The following THAP1 variants were observed in gnomAD, a reference collection of about 807,000 sequenced individuals.
THAP1 encodes THAP domain-containing protein 1.
In THAP1, 6 loss-of-function variants were observed where a neutral mutation model predicts 18.2. The observed-to-expected ratio is 0.33, with a 90% CI of 0.18 to 0.65. The LOEUF (loss-of-function observed/expected upper bound fraction) is 0.65, where lower values mean the gene tolerates loss of function less well. THAP1 is among the 30% of genes least tolerant of loss of function. The probability of loss-of-function intolerance (pLI) is 0.74; values close to 1 mark genes in which losing one functional copy is unlikely to be tolerated. For synonymous variants in THAP1, 85 were observed against 90.5 expected (o/e 0.94, Z 0.34); for missense variants, 176 against 253.0 (o/e 0.70, Z 2.06).
intron 1 of THAP1, chr8:42,842,814 G>A (rs531896483): frequency 4.6e-6 from 1 of 216,496 alleles, no homozygotes; most frequent in Non-Finnish European, 8.6e-6. Context: ...TTCCAGGAGC[G>A]CGAGAAACGG....
At chr8:42,842,187 T>G (rs1197864723) in intron 1 of THAP1, among the ~76,000 whole-genome samples, 1 of 152,212 alleles carries the variant, frequency 6.6e-6, no homozygotes, top group African/African-American at 2.4e-5. Context: ...TGTAAACAAA[T>G]TCAGCTGAAT....
rs1219691312 is a variant in THAP1 at position 42,837,878 on chromosome 8, T to C, written c.*84A>G. The stretch of plus-strand genomic sequence containing the variant: ...TGTTTTTATATAAGTAATCAAATGT[T>C]ATTTTTTTAAATGAAACTCCTTTAC... On this transcript the variant is annotated 3_prime_UTR_variant, in exon 3 of 3. Transcript: ENST00000254250. 3 of 1,474,106 alleles carry C rather than the reference T, an allele frequency of 2.0e-6. No individual in the cohort carries two copies. The highest frequency in any genetic ancestry group is 2.0e-4 in the Middle Eastern group (1 of 5,078). The allele number at this position is 1,474,106 out of a possible 1,614,324, so 91.3% of individuals were successfully genotyped here.
At chr8:42,840,513 G>T (rs758297540) in intron 1 of THAP1, among the ~76,000 whole-genome samples, 1 of 152,178 alleles carries the variant, frequency 6.6e-6, no homozygotes, top group Non-Finnish European at 1.5e-5. Flanking sequence ...AAAAGGGAAG[G>T]GAATTTCAAA....
At chr8:42,839,778 C>T (rs1241675926) in intron 1 of THAP1, among the ~76,000 whole-genome samples, 1 of 152,228 alleles carries the variant, frequency 6.6e-6, no homozygotes, top group Admixed American at 6.5e-5. Context: ...ATTTCTTGAC[C>T]TTGTGATCTG....
intron 1 of THAP1, among the ~76,000 whole-genome samples, chr8:42,841,339 T>C (rs571060311): frequency 9.6e-4 from 142 of 147,800 alleles, no homozygotes; most frequent in African/African-American, 3.3e-3. Flanking sequence ...TCTCACTCTG[T>C]TACCCAAGCT....
chr8:42,841,408 C>T (rs1003980881), intron 1 of THAP1, among the ~76,000 whole-genome samples: 3 of 146,668 alleles, frequency 2.0e-5, no homozygotes, highest in African/African-American at 7.7e-5. Context: ...TCAAGTGATT[C>T]CCCTACCTCA....
intron 1 of THAP1, among the ~76,000 whole-genome samples, chr8:42,840,065 T>TATGTG (rs1802688083): frequency 6.6e-6 from 1 of 151,952 alleles, no homozygotes; most frequent in Non-Finnish European, 1.5e-5. Context: ...GGCATGGTGG[T>TATGTG]ATGTGCCCAG....
At position 42,839,365 on chromosome 8, in the gene THAP1, G is replaced by A. The variant is rs1483051037; in HGVS notation, c.88C>T (p.Pro30Ser). 1 of 1,613,952 alleles carries A rather than the reference G, an allele frequency of 6.2e-7. No individual in the cohort carries two copies. Among genetic ancestry groups the A allele is most frequent in the Non-Finnish European group, 8.5e-7 (1 of 1,179,996 alleles). The part of the protein sequence containing the change: ...VSFHKFPLTR[P>S]SLCKEWEAAV... ...GCCTCCCATTCTTTACAAAGACTGG[G>A]TCGAGTAAGAGGAAACCTAAGAAGA... The change falls in exon 2 of 3, where the codon CCC becomes TCC. Residue 30 changes from proline (P) to serine (S), a missense_variant. Pro to Ser is a moderately conservative substitution (Grantham distance 74). Coordinates refer to ENST00000254250, the MANE Select transcript of THAP1 (RefSeq NM_018105.3).
At chr8:42,839,618 G>T (rs1802679566) in intron 1 of THAP1, among the ~76,000 whole-genome samples, 1 of 152,008 alleles carries the variant, frequency 6.6e-6, no homozygotes, top group Non-Finnish European at 1.5e-5. Flanking sequence ...GTGCAATCTC[G>T]GCTCACTGCG....
chr8:42,840,391 A>T (rs1291196395), intron 1 of THAP1, among the ~76,000 whole-genome samples: 3 of 152,224 alleles, frequency 2.0e-5, no homozygotes, highest in Non-Finnish European at 4.4e-5. Context: ...TTTTCTAATC[A>T]ACTGGGATGT....
rs771561925 is a variant in THAP1 at position 42,843,109 on chromosome 8, G to A, written c.-15C>T. 6 of 1,613,406 alleles carry A rather than the reference G, an allele frequency of 3.7e-6. No individual in the cohort carries two copies. The highest frequency in any genetic ancestry group is 1.7e-5 in the Admixed American group (1 of 60,006). ...GACTGCACCATCCTTCCGGTCCTCA[G>A]GCACTTCACTTCTGCCGCCGCAGAA... is the stretch of plus-strand genomic sequence containing the variant. On this transcript the variant is annotated 5_prime_UTR_variant, in exon 1 of 3. Coordinates refer to ENST00000254250, the MANE Select transcript of THAP1 (RefSeq NM_018105.3).
At chr8:42,838,462 G>T in intron 2 of THAP1, 126 bp from the exon 3 acceptor site, 1 of 1,261,974 alleles carries the variant, frequency 7.9e-7, no homozygotes, top group Non-Finnish European at 1.1e-6. Context: ...AGAGGTGGGC[G>T]GATCACCTGA....
At chr8:42,840,614 C>T (rs1314583065) in intron 1 of THAP1, among the ~76,000 whole-genome samples, 1 of 152,106 alleles carries the variant, frequency 6.6e-6, no homozygotes, top group African/African-American at 2.4e-5. Context: ...TTTCTTTGTA[C>T]GACATAGCAC....
rs1802622694 is a variant in THAP1 at position 42,836,864 on chromosome 8, AAAG to A, written c.*1095_*1097del. The A allele has an allele frequency of 6.6e-6, 1 of 152,310 alleles. No individual in the cohort carries two copies. The highest frequency in any genetic ancestry group is 1.5e-5 in the Non-Finnish European group (1 of 68,046). The allele number at this position is 152,310 out of a possible 1,614,324, so 9.4% of individuals were successfully genotyped here. On this transcript the variant is annotated 3_prime_UTR_variant, in exon 3 of 3. Coordinates refer to ENST00000254250, the MANE Select transcript of THAP1 (RefSeq NM_018105.3). The stretch of plus-strand genomic sequence containing the variant: ...TTCCAATATATGTAAAATTTCTCAC[AAAG>A]AACAGAACTCACAGTTTGAACAGAA...
In THAP1 at chr8:42,838,124, T is replaced by A; in HGVS notation, c.480A>T (p.Arg160Ser). Residue 160 changes from arginine to serine, a missense_variant, in exon 3 of 3, where the codon AGA (arginine) becomes AGT (serine). By Grantham distance (110) the Arg-to-Ser change is moderately radical. Coordinates refer to ENST00000254250, the MANE Select transcript of THAP1 (RefSeq NM_018105.3). The part of the protein sequence containing the change: ...HQLEQQVEKL[R>S]KKLKTAQQRC... Reference sequence around the variant, plus strand: ...GCTGCTGTGCGGTCTTGAGCTTCTTTCTGAGTTTTTCAACTTGCTGTTCTA... The same window carrying A: ...GCTGCTGTGCGGTCTTGAGCTTCTTACTGAGTTTTTCAACTTGCTGTTCTA... 6.2e-7 allele frequency: 1 copy of A among 1,614,236 alleles called. No homozygotes were observed. The highest frequency in any genetic ancestry group is 8.5e-7 in the Non-Finnish European group (1 of 1,180,048).
intron 2 of THAP1, 37 bp from the exon 3 acceptor site, chr8:42,838,373 A>C: frequency 6.2e-7 from 1 of 1,609,356 alleles, no homozygotes; most frequent in South Asian, 1.1e-5. Context: ...GAATTTAGTA[A>C]CTAAAAACAG....
In THAP1 at chr8:42,838,178, T is replaced by G. The variant is rs755330097; in HGVS notation, c.426A>C (p.Thr142=). 71 of 1,614,058 alleles carry G rather than the reference T, an allele frequency of 4.4e-5. No homozygotes were observed. Among genetic ancestry groups the G allele is most frequent in the Non-Finnish European group, 5.8e-5 (68 of 1,180,048 alleles). Residue 142 remains threonine (T), a synonymous_variant, in exon 3 of 3, where the codon ACA becomes ACC. Coordinates refer to ENST00000254250, the MANE Select transcript of THAP1 (RefSeq NM_018105.3). ...FCDHNYTVED[T]MHQRKRIHQL... ...GATGAATCCTTTTCCGCTGGTGCAT[T>G]GTATCCTCCACAGTATAGTTGTGGT...
intron 1 of THAP1, 98 bp downstream of exon 1, chr8:42,842,926 C>T: frequency 9.9e-7 from 1 of 1,014,596 alleles, no homozygotes; most frequent in East Asian, 4.6e-5. Flanking sequence ...CCCACCCGCC[C>T]CTCGCGCGGA....
chr8:42,839,151 C>T, intron 2 of THAP1, 35 bp downstream of exon 2: 1 of 1,611,582 alleles, frequency 6.2e-7, no homozygotes, highest in Non-Finnish European at 8.5e-7. Flanking sequence ...GTTTGATAAA[C>T]AAAAAGCAAC....
Sources: allele counts gnomAD v4.1 joint callset (sites outside exome capture counted in the v4.1 genomes callset), GRCh38; gene constraint gnomAD v4.1.1; transcripts MANE v1.5; gene names NCBI Gene and HGNC (gene_info 2026-07-23, HGNC 2026-07-21).